Variants in SERPINI1 observed in about 807,000 individuals in gnomAD.
SERPINI1 encodes neuroserpin.
In SERPINI1, 19 loss-of-function variants were observed where a neutral mutation model predicts 41.1. That is an observed-to-expected ratio of 0.46 (90% CI 0.32 to 0.68). The LOEUF is 0.68. Ranked by LOEUF, SERPINI1 falls within the 30% of genes least tolerant of loss-of-function variation. The pLI is 0.03. For synonymous variants in SERPINI1, 138 were observed against 156.6 expected (o/e 0.88, Z 0.89); for missense variants, 460 against 479.2 (o/e 0.96, Z 0.37).
At chr3:167,824,601 CACAAAG>C in intron 8 of SERPINI1, 39 bp downstream of exon 8, 6 of 1,274,248 alleles carry the variant, frequency 4.7e-6, no homozygotes, top group Non-Finnish European at 6.9e-6. Context: ...TTTAATAGGT[CACAAAG>C]AACCTCTTTT....
At chr3:167,775,208 G>A (rs1441515469) in intron 1 of SERPINI1, among the ~76,000 whole-genome samples, 3 of 148,184 alleles carry the variant, frequency 2.0e-5, no homozygotes, top group African/African-American at 7.4e-5. Flanking sequence ...GCCCTTCAGG[G>A]TACAACGAAG....
chr3:167,762,629 A>C (rs1341721050), intron 1 of SERPINI1, among the ~76,000 whole-genome samples: 1 of 152,078 alleles, frequency 6.6e-6, no homozygotes, highest in Non-Finnish European at 1.5e-5. Context: ...CTGACCCTAG[A>C]TATCCAGAGT....
At chr3:167,801,566 C>T (rs771124375) in intron 5 of SERPINI1, among the ~76,000 whole-genome samples, 4 of 151,990 alleles carry the variant, frequency 2.6e-5, no homozygotes, top group Non-Finnish European at 2.9e-5. Context: ...TGTTGCTTAG[C>T]TCTTTTAAGC....
intron 1 of SERPINI1, among the ~76,000 whole-genome samples, chr3:167,787,358 G>A (rs34994958): frequency 0.13 from 19,210 of 152,226 alleles, 1,457 homozygotes; most frequent in African/African-American, 0.21. Context: ...ATCAAGTATT[G>A]TGTATTGTAT....
At chr3:167,794,309 G>T (rs1727642775) in intron 4 of SERPINI1, among the ~76,000 whole-genome samples, 1 of 151,946 alleles carries the variant, frequency 6.6e-6, no homozygotes, top group Non-Finnish European at 1.5e-5. Flanking sequence ...GAATTTTAGG[G>T]CCTATTTTCA....
intron 1 of SERPINI1, among the ~76,000 whole-genome samples, chr3:167,786,278 G>A (rs189437723): frequency 5.1e-4 from 78 of 152,160 alleles, no homozygotes; most frequent in African/African-American, 1.6e-3. Flanking sequence ...CAAGGCGGGC[G>A]GATCACTTGA....
At chr3:167,803,963 T>C (rs1400971390) in intron 5 of SERPINI1, among the ~76,000 whole-genome samples, 4 of 152,218 alleles carry the variant, frequency 2.6e-5, no homozygotes, top group Non-Finnish European at 5.9e-5. Flanking sequence ...GTTTCTGGCA[T>C]ATACTAAGCT....
intron 1 of SERPINI1, among the ~76,000 whole-genome samples, chr3:167,760,141 A>T (rs1291342478): frequency 6.6e-6 from 1 of 151,552 alleles, no homozygotes; most frequent in Non-Finnish European, 1.5e-5. Context: ...CAATGAGATG[A>T]GCTTTGAAAG....
chr3:167,823,326 C>T (rs948789024), intron 7 of SERPINI1, among the ~76,000 whole-genome samples: 8 of 152,098 alleles, frequency 5.3e-5, no homozygotes. Flanking sequence ...GGCAGTTCTG[C>T]GAAAATAGAT....
At chr3:167,777,215 A>T (rs1223708061) in intron 1 of SERPINI1, among the ~76,000 whole-genome samples, 1 of 152,134 alleles carries the variant, frequency 6.6e-6, no homozygotes, top group African/African-American at 2.4e-5. Context: ...TTGGAGTTAA[A>T]CACGTTCTCT....
intron 1 of SERPINI1, among the ~76,000 whole-genome samples, chr3:167,749,486 G>T (rs1022501737): frequency 6.6e-6 from 1 of 152,122 alleles, no homozygotes; most frequent in East Asian, 1.9e-4. Context: ...TGACTATAAG[G>T]CTGATGACTT....
Position 167,809,149 on chromosome 3 carries a change from T to G in SERPINI1, c.979+1808T>G, listed in dbSNP as rs1711767430. ...GGCTCTGAACTCTTCAATGGGGTTATCAAGAATGTAGGACTGGTAGAGATT... is the reference window on the plus strand; with the variant it reads ...GGCTCTGAACTCTTCAATGGGGTTAGCAAGAATGTAGGACTGGTAGAGATT... On this transcript the variant is annotated intron_variant, in intron 6 of 8. Transcript: ENST00000446050. Among the ~76,000 whole-genome samples, 8 of 152,194 alleles carry G rather than the reference T, an allele frequency of 5.3e-5. No individual in the cohort carries two copies. In the South Asian group the frequency reaches 1.7e-3, roughly 32 times the overall value.
At chr3:167,786,800 A>T (rs1727330197) in intron 1 of SERPINI1, among the ~76,000 whole-genome samples, 1 of 152,096 alleles carries the variant, frequency 6.6e-6, no homozygotes, top group Admixed American at 6.6e-5. Flanking sequence ...AAACTTTTTG[A>T]CCGTTTTGTA....
At position 167,772,864 on chromosome 3, in the gene SERPINI1, C is replaced by CTATATA. The variant is rs1161668820; in HGVS notation, c.-18-16222_-18-16217dup. ...TCTCTCTCTCTCTCTCTCTCTCTCT[C>CTATATA]TATATATATATATATATATATATAT... is the stretch of plus-strand genomic sequence containing the variant. On this transcript the variant is annotated intron_variant, in intron 1 of 8. Transcript: ENST00000446050. Among the ~76,000 whole-genome samples, 63 of 24,606 alleles carry CTATATA rather than the reference C, an allele frequency of 2.6e-3. 1 individual carries two copies. Among genetic ancestry groups the CTATATA allele is most frequent in the East Asian group, 0.01 (3 of 292 alleles). 16.1% of individuals were successfully genotyped at this position (24,606 alleles called of 152,430 possible).
rs536877951 is a variant in SERPINI1, at chr3:167,786,273, C to T, written c.-18-2838C>T. Among the ~76,000 whole-genome samples the T allele has an allele frequency of 7.2e-5, 11 of 152,018 alleles. No homozygotes were observed. The South Asian group carries it at 1.2e-3, about 17-fold the overall frequency. ...ATCCCAGCACTTTGGGAGGCCAAGG[C>T]GGGCGGATCACTTGAGGTCAGGAGT... On this transcript the variant is annotated intron_variant, in intron 1 of 8. Transcript: ENST00000446050.
At chr3:167,814,071 T>C (rs73036837) in intron 6 of SERPINI1, among the ~76,000 whole-genome samples, 24,330 of 152,232 alleles carry the variant, frequency 0.16, 2,043 homozygotes, top group Non-Finnish European at 0.18. Flanking sequence ...CTGAATAACC[T>C]GTGTCAAATA....
At chr3:167,811,918 A>G (rs1711901817) in intron 6 of SERPINI1, among the ~76,000 whole-genome samples, 2 of 152,192 alleles carry the variant, frequency 1.3e-5, no homozygotes, top group African/African-American at 4.8e-5. Context: ...CAGTACTATC[A>G]TTATATTGTT....
intron 7 of SERPINI1, 105 bp from the exon 8 acceptor site, chr3:167,824,368 A>G: frequency 2.5e-6 from 2 of 790,024 alleles, no homozygotes; most frequent in Non-Finnish European, 4.3e-6. Context: ...TTTCCTGTAA[A>G]TTGTTGTCTT....
At chr3:167,772,100 A>G (rs1399940573) in intron 1 of SERPINI1, among the ~76,000 whole-genome samples, 2 of 152,208 alleles carry the variant, frequency 1.3e-5, no homozygotes, top group Admixed American at 1.3e-4. Flanking sequence ...CTTAATCTAC[A>G]AATGGGGTTG....
Sources: gnomAD v4.1 joint callset for allele counts (sites outside exome capture counted in the v4.1 genomes callset) on GRCh38, gnomAD v4.1.1 for gene constraint, MANE v1.5 for transcripts, NCBI Gene and HGNC (gene_info 2026-07-23, HGNC 2026-07-21) for gene names.